Variants in PPIB observed in about 807,000 individuals in gnomAD.
PPIB encodes the protein peptidyl-prolyl cis-trans isomerase B.
PPIB carries 15 observed loss-of-function variants against 20.1 expected under a neutral mutation model. The ratio of observed to expected loss-of-function variants is 0.75; its 90% CI spans 0.50 to 1.15. PPIB has a LOEUF of 1.15. Ranked by LOEUF, PPIB falls within the 50% of genes most tolerant of loss-of-function variation. The probability of loss-of-function intolerance (pLI) is 0.00; values close to 1 mark genes in which losing one functional copy is unlikely to be tolerated. For missense variants in PPIB, 278 were observed against 283.0 expected, an observed-to-expected ratio of 0.98 and a Z score of 0.13; for synonymous variants, 129 against 111.0, an observed-to-expected ratio of 1.16 and a Z score of -1.02.
rs113377532 is a variant in PPIB at position 64,161,585 on chromosome 15, C to T, written c.249+456G>A. Among the ~76,000 whole-genome samples the T allele has an allele frequency of 8.4e-4, 128 of 151,860 alleles. No individual in the cohort carries two copies. Among genetic ancestry groups the T allele is most frequent in the Non-Finnish European group, 6.2e-4 (42 of 67,930 alleles). ...TACTAAAAATACAAAATTAGCCAAG[C>T]GTGGTGGCGCATGCCTGTAATCCCA... On this transcript the variant is annotated intron_variant, in intron 2 of 4. Coordinates refer to ENST00000300026, the MANE Select transcript of PPIB (RefSeq NM_000942.5). This position sits in a 1 kb window ranked among gnomAD's most constrained non-coding sequence, Gnocchi z 4.2.
At position 64,157,817 on chromosome 15, in the gene PPIB, A is replaced by C. The variant is rs2081543929; in HGVS notation, c.344-908T>G. The stretch of plus-strand genomic sequence containing the variant: ...TGTCCTAGACAGATGCCAACCAGGA[A>C]GATGTTTCTGATTGGGCAGCAGGTA... On this transcript the variant is annotated intron_variant, in intron 3 of 4. Coordinates refer to ENST00000300026, the MANE Select transcript of PPIB (RefSeq NM_000942.5). The surrounding 1 kb of genome is among the most constrained non-coding windows in gnomAD (Gnocchi z 4.2). 6.6e-6 allele frequency among the ~76,000 whole-genome samples: 1 copy of C among 152,196 alleles called. No homozygotes were observed. Among genetic ancestry groups the C allele is most frequent in the Non-Finnish European group, 1.5e-5 (1 of 68,024 alleles).
rs947883434 is a variant in PPIB, at chr15:64,161,731, A to G, written c.249+310T>C. 6.6e-6 allele frequency among the ~76,000 whole-genome samples: 1 copy of G among 152,030 alleles called. No individual in the cohort carries two copies. The highest frequency in any genetic ancestry group is 1.5e-5 in the Non-Finnish European group (1 of 68,006). On this transcript the variant is annotated intron_variant, in intron 2 of 4. Transcript: ENST00000300026. This position sits in a 1 kb window ranked among gnomAD's most constrained non-coding sequence, Gnocchi z 4.2. ...CAAGAGTGAAACTCCGTCTCAAAAA[A>G]AAAAAAAAATTTGCGGGGGTAGAGA...
rs1037702365 is a variant in PPIB at position 64,157,755 on chromosome 15, T to C, written c.344-846A>G. On this transcript the variant is annotated intron_variant, in intron 3 of 4. Coordinates refer to ENST00000300026, the MANE Select transcript of PPIB (RefSeq NM_000942.5). The surrounding 1 kb of genome is among the most constrained non-coding windows in gnomAD (Gnocchi z 4.2). ...TTCCTTCTCACTGCACCTACCTTCA[T>C]CCTGTGGTTCCACAGAATGGAACTG... Among the ~76,000 whole-genome samples the C allele has an allele frequency of 6.6e-6, 1 of 152,194 alleles. No homozygotes were observed. Among genetic ancestry groups the C allele is most frequent in the African/African-American group, 2.4e-5 (1 of 41,438 alleles).
rs2081564360 is a variant in PPIB, at chr15:64,161,691, C to T, written c.249+350G>A. Among the ~76,000 whole-genome samples the T allele has an allele frequency of 1.3e-5, 2 of 151,874 alleles. No individual in the cohort carries two copies. Among genetic ancestry groups the T allele is most frequent in the Admixed American group, 6.6e-5 (1 of 15,258 alleles). On this transcript the variant is annotated intron_variant, in intron 2 of 4. Transcript: ENST00000300026. This position sits in a 1 kb window ranked among gnomAD's most constrained non-coding sequence, Gnocchi z 4.2. The stretch of plus-strand genomic sequence containing the variant: ...AGTGAGCTGAGGCCGCACCACTGCA[C>T]TCCAGCCCAGGCGACAAGAGTGAAA...
rs201075610 is a variant in PPIB, at chr15:64,155,971, C to G, written c.*52G>C. 6.2e-7 allele frequency: 1 copy of G among 1,612,928 alleles called. No homozygotes were observed. Among genetic ancestry groups the G allele is most frequent in the Non-Finnish European group, 8.5e-7 (1 of 1,179,546 alleles). ...GCCAGTGCAGCTCAGAGCCCTGTGG[C>G]GGACTACAGGGCCTGCACAGACGGT... On this transcript the variant is annotated 3_prime_UTR_variant, in exon 5 of 5. Transcript: ENST00000300026.
Position 64,160,878 on chromosome 15 carries a change from A to G in PPIB, c.250-681T>C, listed in dbSNP as rs901797857. On this transcript the variant is annotated intron_variant, in intron 2 of 4. Coordinates refer to ENST00000300026, the MANE Select transcript of PPIB (RefSeq NM_000942.5). The surrounding 1 kb of genome is among the most constrained non-coding windows in gnomAD (Gnocchi z 4.8). ...GTGCCCAGGCTGCTCTCAAACTCCT[A>G]AACTCACATGATCTGCCCTCCTCCG... 1.3e-5 allele frequency among the ~76,000 whole-genome samples: 2 copies of G among 152,022 alleles called. No individual in the cohort carries two copies. Among genetic ancestry groups the G allele is most frequent in the Non-Finnish European group, 2.9e-5 (2 of 68,014 alleles).
Position 64,156,344 on chromosome 15 carries a change from TG to T in PPIB, c.529-200del. The stretch of plus-strand genomic sequence containing the variant: ...ATTTGACGAGGGGGTACAGGAATTT[TG>T]TTCCTTTGAAGTAAGACCCAGGTTG... On this transcript the variant is annotated intron_variant, in intron 4 of 4. Coordinates refer to ENST00000300026, the MANE Select transcript of PPIB (RefSeq NM_000942.5). The surrounding 1 kb of genome is among the most constrained non-coding windows in gnomAD (Gnocchi z 6.4). 1 of 772,522 alleles carries T rather than the reference TG, an allele frequency of 1.3e-6. No homozygotes were observed. 47.9% of individuals were successfully genotyped at this position (772,522 alleles called of 1,614,324 possible). A position where few individuals can be genotyped will look rare whatever the true frequency, so the allele number is the denominator to read the frequency against.
Position 64,157,797 on chromosome 15 carries a change from T to C in PPIB, c.344-888A>G, listed in dbSNP as rs2081543831. Among the ~76,000 whole-genome samples, 1 of 152,194 alleles carries C rather than the reference T, an allele frequency of 6.6e-6. No homozygotes were observed. Among genetic ancestry groups the C allele is most frequent in the African/African-American group, 2.4e-5 (1 of 41,450 alleles). ...ATGGAACTGAGCTGGGAAACTGTCC[T>C]AGACAGATGCCAACCAGGAAGATGT... is the stretch of plus-strand genomic sequence containing the variant. On this transcript the variant is annotated intron_variant, in intron 3 of 4. Transcript: ENST00000300026. This position sits in a 1 kb window ranked among gnomAD's most constrained non-coding sequence, Gnocchi z 4.2.
In PPIB at chr15:64,160,171, T is replaced by C. The variant is rs1445633904; in HGVS notation, c.276A>G (p.Lys92=). 6.2e-7 allele frequency: 1 copy of C among 1,613,990 alleles called. No homozygotes were observed. The highest frequency in any genetic ancestry group is 1.7e-5 in the Admixed American group (1 of 60,014). ...GEKGFGYKNS[K]FHRVIKDFMI... is the part of the protein sequence containing the mutation. ...TGAAGTCCTTGATTACACGATGGAA[T>C]TTGCTGTTTTTGTAGCCAAATCCTT... Residue 92 remains lysine (K), a synonymous_variant, in exon 3 of 5, where the codon AAA becomes AAG. Coordinates refer to ENST00000300026, the MANE Select transcript of PPIB (RefSeq NM_000942.5). This position sits in a 1 kb window ranked among gnomAD's most constrained non-coding sequence, Gnocchi z 4.8.
intron 1 of PPIB, 130 bp from the exon 2 acceptor site, chr15:64,162,284 T>C: frequency 1.3e-6 from 1 of 759,632 alleles, no homozygotes; most frequent in South Asian, 1.4e-5. Flanking sequence ...GTTCTGAATC[T>C]GATTTTGGTG....
Position 64,156,309 on chromosome 15 carries a change from G to C in PPIB, c.529-164C>G. 2 of 931,962 alleles carry C rather than the reference G, an allele frequency of 2.1e-6. No homozygotes were observed. Among genetic ancestry groups the C allele is most frequent in the East Asian group, 2.6e-5 (1 of 37,994 alleles). The allele number at this position is 931,962 out of a possible 1,614,324, so 57.7% of individuals were successfully genotyped here. On this transcript the variant is annotated intron_variant, in intron 4 of 4. Transcript: ENST00000300026. This position sits in a 1 kb window ranked among gnomAD's most constrained non-coding sequence, Gnocchi z 6.4. ...CTAACAGACTCCTGGCCAGAGCAGG[G>C]AGAATGCAGATTTGACGAGGGGGTA...
In PPIB at chr15:64,156,693, G is replaced by A. The variant is rs1464170016; in HGVS notation, c.528+32C>T. The A allele has an allele frequency of 1.9e-6, 3 of 1,612,766 alleles. No homozygotes were observed. The highest frequency in any genetic ancestry group is 1.3e-5 in the African/African-American group (1 of 74,868). ...CTGTGTTGAATCCCCGGTGAGGATT[G>A]CCCAGTAGTAGCCCTTGCTTCCACA... On this transcript the variant is annotated intron_variant, in intron 4 of 4. Coordinates refer to ENST00000300026, the MANE Select transcript of PPIB (RefSeq NM_000942.5). This position sits in a 1 kb window ranked among gnomAD's most constrained non-coding sequence, Gnocchi z 6.4.
At position 64,156,964 on chromosome 15, in the gene PPIB, A is replaced by G. The variant is rs1839791669; in HGVS notation, c.344-55T>C. 3 of 1,576,410 alleles carry G rather than the reference A, an allele frequency of 1.9e-6. No homozygotes were observed. The highest frequency in any genetic ancestry group is 2.6e-6 in the Non-Finnish European group (3 of 1,148,780). On this transcript the variant is annotated intron_variant, in intron 3 of 4. Transcript: ENST00000300026. This position sits in a 1 kb window ranked among gnomAD's most constrained non-coding sequence, Gnocchi z 6.4. ...CGCTGGATTGCGCCAAACCAAGCAG[A>G]CATTCGGGGCCAGGACTGAGGGGGC...
rs760065852 is a variant in PPIB at position 64,156,135 on chromosome 15, C to T, written c.539G>A (p.Arg180Gln). ...GTCTGTCTTGGTGCTCTCCACCTTC[C>T]GCACCACCTCCTGGAAAAGAAAGGT... ...GKVLEGMEVV[R>Q]KVESTKTDSR... Residue 180 changes from arginine (R) to glutamine (Q), a missense_variant, in exon 5 of 5, where the codon CGG becomes CAG. Coordinates refer to ENST00000300026, the MANE Select transcript of PPIB (RefSeq NM_000942.5). This position sits in a 1 kb window ranked among gnomAD's most constrained non-coding sequence, Gnocchi z 6.4. The T allele has an allele frequency of 1.1e-5, 17 of 1,614,152 alleles. No homozygotes were observed. The highest frequency in any genetic ancestry group is 4.0e-5 in the African/African-American group (3 of 75,044).
Position 64,155,872 on chromosome 15 carries a change from T to A in PPIB, c.*151A>T. ...TTATTGGTCAGTGTTGGTAGGAGTT[T>A]GTTACAAAAGTGAGTCCATGGGCCT... On this transcript the variant is annotated 3_prime_UTR_variant, in exon 5 of 5. Transcript: ENST00000300026. 8.5e-7 allele frequency: 1 copy of A among 1,178,908 alleles called. No homozygotes were observed. Among genetic ancestry groups the A allele is most frequent in the East Asian group, 2.4e-5 (1 of 42,118 alleles). 73.0% of individuals were successfully genotyped at this position (1,178,908 alleles called of 1,614,324 possible).
chr15:64,158,140 T>C lies in PPIB; in HGVS notation c.344-1231A>G, dbSNP rs907609621. 2.6e-5 allele frequency among the ~76,000 whole-genome samples: 4 copies of C among 152,208 alleles called. No homozygotes were observed. The highest frequency in any genetic ancestry group is 9.6e-5 in the African/African-American group (4 of 41,462). On this transcript the variant is annotated intron_variant, in intron 3 of 4. Transcript: ENST00000300026. This position sits in a 1 kb window ranked among gnomAD's most constrained non-coding sequence, Gnocchi z 4.7. The stretch of plus-strand genomic sequence containing the variant: ...TTAAACTCAACATACCTTGTCATCT[T>C]TCTCTCCAGACCTCAGTTATTCTTT...
In PPIB at chr15:64,156,227, A is replaced by T; in HGVS notation, c.529-82T>A. ...GGAGAAAGGCCCCAGCGTATGGCTC[A>T]GGAGGGCTAAGACCCACAAGTGATC... On this transcript the variant is annotated intron_variant, in intron 4 of 4. Coordinates refer to ENST00000300026, the MANE Select transcript of PPIB (RefSeq NM_000942.5). This position sits in a 1 kb window ranked among gnomAD's most constrained non-coding sequence, Gnocchi z 6.4. The T allele has an allele frequency of 6.4e-7, 1 of 1,556,550 alleles. No homozygotes were observed. The highest frequency in any genetic ancestry group is 8.8e-7 in the Non-Finnish European group (1 of 1,138,608).
rs775722308 is a variant in PPIB, at chr15:64,162,914, GGAA to G, written c.70_72del (p.Phe24del). ...GCCGCAGAAGGTCCCGGCAGCAGCA[GGAA>G]GAAGACGGACCCCGCGATGAGGGCG... is the stretch of plus-strand genomic sequence containing the variant. On this transcript the variant is annotated inframe_deletion, in exon 1 of 5. Transcript: ENST00000300026. 1.4e-5 allele frequency: 22 copies of G among 1,613,526 alleles called. No homozygotes were observed. Among genetic ancestry groups the G allele is most frequent in the South Asian group, 1.1e-4 (10 of 90,954 alleles).
chr15:64,162,057 G>T lies in PPIB; in HGVS notation c.233C>A (p.Ala78Asp), dbSNP rs747974523. 5 of 1,613,106 alleles carry T rather than the reference G, an allele frequency of 3.1e-6. No individual in the cohort carries two copies. Among genetic ancestry groups the T allele is most frequent in the Admixed American group, 1.7e-5 (1 of 59,996 alleles). Residue 78 changes from alanine to aspartate, a missense_variant, in exon 2 of 5, where the codon GCC becomes GAC. Coordinates refer to ENST00000300026, the MANE Select transcript of PPIB (RefSeq NM_000942.5). ...TVPKTVDNFV[A>D]LATGEKGFGY... ...GCCACTTACCTCTCCTGTAGCTAAG[G>T]CCACAAAATTATCCACTGTTTTTGG...
Sources: allele counts gnomAD v4.1 joint callset (sites outside exome capture counted in the v4.1 genomes callset), GRCh38; gene constraint gnomAD v4.1.1; non-coding constraint Gnocchi (gnomAD v3.1); transcripts MANE v1.5; gene names NCBI Gene and HGNC (gene_info 2026-07-23, HGNC 2026-07-21).